AK9: variants seen among roughly 807,000 people sequenced by gnomAD.
The protein encoded by AK9 is adenylate kinase domain containing 1.
AK9 carries 191 observed loss-of-function variants against 239.6 expected under a neutral mutation model. That is an observed-to-expected ratio of 0.80 (90% confidence interval 0.71 to 0.90). The LOEUF (loss-of-function observed/expected upper bound fraction) is 0.90. Ranked by LOEUF, AK9 falls within the 40% of genes least tolerant of loss-of-function variation. The pLI is 0.00. For missense variants in AK9, 1,995 were observed against 2,214.7 expected (o/e 0.90, Z 1.99); for synonymous variants, 689 against 721.0 (o/e 0.96, Z 0.71).
intron 27 of AK9, among the ~76,000 whole-genome samples, chr6:109,535,376 ATG>A (rs1489240976): frequency 1.3e-5 from 2 of 151,990 alleles, no homozygotes; most frequent in Non-Finnish European, 2.9e-5. Context: ...GCATTTTTTC[ATG>A]TGTTTTTTGG....
At chr6:109,649,548 AG>A (rs1798601539) in intron 8 of AK9, among the ~76,000 whole-genome samples, 1 of 152,108 alleles carries the variant, frequency 6.6e-6, no homozygotes, top group Non-Finnish European at 1.5e-5. Flanking sequence ...GACCTCTTCA[AG>A]GAGAACTACA....
At chr6:109,528,386 T>C (rs772994661) in intron 29 of AK9, 26 of 363,368 alleles carry the variant, frequency 7.2e-5, no homozygotes, top group Non-Finnish European at 1.2e-4. Flanking sequence ...TTGCCAGTAT[T>C]TGAAACAGTG....
At chr6:109,625,908 C>A (rs905966169) in intron 12 of AK9, among the ~76,000 whole-genome samples, 2 of 112,800 alleles carry the variant, frequency 1.8e-5, no homozygotes, top group African/African-American at 3.0e-5. Context: ...TTGACAATAT[C>A]TTCAAGTATT....
At chr6:109,596,007 A>C (rs765027004) in intron 17 of AK9, among the ~76,000 whole-genome samples, 3 of 151,702 alleles carry the variant, frequency 2.0e-5, no homozygotes, top group Non-Finnish European at 4.4e-5. Context: ...TAATTTAAAA[A>C]AAAGAAAAAT....
chr6:109,621,563 T>TA (rs1794811357), intron 12 of AK9, among the ~76,000 whole-genome samples: 2 of 65,958 alleles, frequency 3.0e-5, no homozygotes, highest in Non-Finnish European at 5.6e-5. Flanking sequence ...TATGCAGCCA[T>TA]AAAAAATGAT....
intron 29 of AK9, 35 bp downstream of exon 29, chr6:109,528,976 G>T: frequency 1.3e-6 from 2 of 1,561,610 alleles, no homozygotes; most frequent in South Asian, 2.3e-5. Context: ...AACAGAGTGA[G>T]ACCCTGTTTT....
chr6:109,512,079 A>G (rs963321775), intron 32 of AK9, among the ~76,000 whole-genome samples: 2 of 152,212 alleles, frequency 1.3e-5, no homozygotes, highest in African/African-American at 4.8e-5. Flanking sequence ...CAGTTAAGGC[A>G]TTCTAAGTCA....
chr6:109,536,297 T>C (rs1226013793), intron 27 of AK9, among the ~76,000 whole-genome samples: 4 of 152,316 alleles, frequency 2.6e-5, no homozygotes, highest in South Asian at 4.1e-4. Context: ...CAGTGGTTTG[T>C]AGTTCTCCTT....
At chr6:109,672,974 G>C (rs1163257889) in intron 3 of AK9, among the ~76,000 whole-genome samples, 1 of 152,204 alleles carries the variant, frequency 6.6e-6, no homozygotes, top group East Asian at 1.9e-4. Flanking sequence ...ACACTGATTA[G>C]AAAGAGGGGT....
At chr6:109,557,727 G>A (rs1287781497) in intron 24 of AK9, among the ~76,000 whole-genome samples, 3 of 152,190 alleles carry the variant, frequency 2.0e-5, no homozygotes, top group Non-Finnish European at 4.4e-5. Flanking sequence ...GAATGGGCAT[G>A]TGCTCTCCTT....
At chr6:109,608,546 G>A (rs930976428) in intron 17 of AK9, among the ~76,000 whole-genome samples, 1 of 151,924 alleles carries the variant, frequency 6.6e-6, no homozygotes, top group Non-Finnish European at 1.5e-5. Flanking sequence ...TTGGCCATTT[G>A]AATATTGTTT....
At chr6:109,641,349 CTTT>C (rs913203723) in intron 10 of AK9, among the ~76,000 whole-genome samples, 166 bp downstream of exon 10, 26 of 124,358 alleles carry the variant, frequency 2.1e-4, no homozygotes, top group Admixed American at 4.3e-4. Context: ...TTCTTTCTTT[CTTT>C]TTTTTTTTTT....
chr6:109,503,818 A>G (rs1312732567), intron 35 of AK9, among the ~76,000 whole-genome samples: 2 of 152,102 alleles, frequency 1.3e-5, no homozygotes, highest in Non-Finnish European at 2.9e-5. Context: ...TACGCAAGTT[A>G]TACTCCCTCC....
chr6:109,615,830 T>C (rs1469964023), intron 13 of AK9, among the ~76,000 whole-genome samples: 1 of 152,074 alleles, frequency 6.6e-6, no homozygotes. Context: ...AAAGAAACGA[T>C]AGCAAACTCT....
At chr6:109,522,886 T>A (rs1269317935) in intron 29 of AK9, among the ~76,000 whole-genome samples, 1 of 152,160 alleles carries the variant, frequency 6.6e-6, no homozygotes, top group Non-Finnish European at 1.5e-5. Context: ...GATGAGAAGA[T>A]GCAGGAAGCC....
chr6:109,568,038 T>C (rs1478453295), intron 21 of AK9, among the ~76,000 whole-genome samples: 1 of 152,052 alleles, frequency 6.6e-6, no homozygotes, highest in Non-Finnish European at 1.5e-5. Context: ...AATAAAATAC[T>C]GGCAAACCGA....
At chr6:109,598,761 C>T (rs377403400) in intron 17 of AK9, among the ~76,000 whole-genome samples, 7,123 of 152,240 alleles carry the variant, frequency 0.047, 192 homozygotes, top group South Asian at 0.09. Flanking sequence ...TTAATGATCG[C>T]CATTCTAACT....
chr6:109,646,329 G>A (rs749244497), intron 8 of AK9, among the ~76,000 whole-genome samples: 3 of 152,052 alleles, frequency 2.0e-5, no homozygotes, highest in South Asian at 2.1e-4. Flanking sequence ...CCCATTGCAA[G>A]GAAGGTAAAA....
At chr6:109,667,327 T>C (rs1184038705) in intron 5 of AK9, among the ~76,000 whole-genome samples, 2 of 152,030 alleles carry the variant, frequency 1.3e-5, no homozygotes, top group Non-Finnish European at 2.9e-5. Flanking sequence ...CTCTTTGTTA[T>C]TTTATTCCAT....
Sources: allele counts gnomAD v4.1 joint callset (sites outside exome capture counted in the v4.1 genomes callset), GRCh38; gene constraint gnomAD v4.1.1; transcripts MANE v1.5; gene names NCBI Gene and HGNC (gene_info 2026-07-23, HGNC 2026-07-21).